Variants in PGBD2 observed in about 807,000 individuals in gnomAD.
PGBD2 encodes the protein piggyBac transposable element-derived protein 2.
PGBD2 carries 6 observed loss-of-function variants against 8.1 expected under a neutral mutation model. That is an observed-to-expected ratio of 0.74 (90% confidence interval 0.40 to 1.46). The LOEUF is 1.46. Ranked by LOEUF, PGBD2 falls within the 40% of genes most tolerant of loss-of-function variation. The pLI is 0.02. For missense variants in PGBD2, 802 were observed against 739.0 expected (o/e 1.09, Z -0.99); for synonymous variants, 318 against 272.2 (o/e 1.17, Z -1.66).
the PGBD2 span, among the ~76,000 whole-genome samples, chr1:248,900,091 G>A: frequency 8.4e-5 from 8 of 95,134 alleles, no homozygotes; most frequent in East Asian, 2.4e-3. Flanking sequence ...GTAATAAATA[G>A]CCTACCAAAA....
the PGBD2 span, among the ~76,000 whole-genome samples, chr1:248,873,955 C>A: frequency 3.9e-5 from 6 of 152,194 alleles, no homozygotes. Flanking sequence ...AATCCCACTT[C>A]TGACACATTC....
chr1:248,925,147 C>G, the PGBD2 span, among the ~76,000 whole-genome samples: 2 of 152,134 alleles, frequency 1.3e-5, no homozygotes, highest in African/African-American at 4.8e-5. Flanking sequence ...GGAGCACATT[C>G]ACACGTGTGT....
Position 248,909,926 on chromosome 1 carries a change from T to G in PGBD2, c.-48+3584T>G, listed in dbSNP as rs112793066. ...GGCTGTGAATGGCTTTGATTTTATT[T>G]CAGAGCTTGGTTGGCAAGTTCTTGG... On this transcript the variant is annotated intron_variant, in intron 1 of 2. Transcript: ENST00000329291. Among the ~76,000 whole-genome samples the G allele has an allele frequency of 8.3e-3, 1,263 of 152,340 alleles. 8 individuals are homozygous for G. Among genetic ancestry groups the G allele is most frequent in the Non-Finnish European group, 0.011 (740 of 68,030 alleles).
chr1:248,893,140 A>G, the PGBD2 span, among the ~76,000 whole-genome samples: 9 of 152,226 alleles, frequency 5.9e-5, no homozygotes, highest in African/African-American at 2.2e-4. Flanking sequence ...ACATAGGTGC[A>G]TACTCATGTT....
At chr1:248,922,502 G>T (rs1662307568), downstream of PGBD2, among the ~76,000 whole-genome samples, 1 of 152,146 alleles carries the variant, frequency 6.6e-6, no homozygotes. Context: ...TGTTGAATAG[G>T]AGTGGCAAGA....
downstream of PGBD2, among the ~76,000 whole-genome samples, chr1:248,924,293 C>T (rs1485440195): frequency 6.6e-6 from 1 of 152,218 alleles, no homozygotes; most frequent in Non-Finnish European, 1.5e-5. Context: ...TGCTGGCTTC[C>T]AGCACGTGGC....
At chr1:248,883,521 A>G in the PGBD2 span, among the ~76,000 whole-genome samples, 1 of 143,114 alleles carries the variant, frequency 7.0e-6, no homozygotes, top group East Asian at 2.1e-4. Context: ...TTTCAGATGT[A>G]TAGTTTGTGA....
chr1:248,913,324 G>C (rs1661977327), intron 1 of PGBD2, among the ~76,000 whole-genome samples: 1 of 152,120 alleles, frequency 6.6e-6, no homozygotes, highest in African/African-American at 2.4e-5. Flanking sequence ...GGTATTTATA[G>C]TTATATAAGT....
chr1:248,902,839 A>G (rs1294575009), upstream of PGBD2, among the ~76,000 whole-genome samples: 4 of 152,076 alleles, frequency 2.6e-5, no homozygotes, highest in Non-Finnish European at 1.5e-5. Context: ...GTGGCGGGGA[A>G]CAACACAGTG....
upstream of PGBD2, among the ~76,000 whole-genome samples, chr1:248,904,255 A>G (rs1213097388): frequency 1.3e-5 from 2 of 151,974 alleles, no homozygotes; most frequent in African/African-American, 4.8e-5. Flanking sequence ...TTTTCCTCAA[A>G]GGATTCTAGC....
At chr1:248,907,233 G>A (rs951229239) in intron 1 of PGBD2, among the ~76,000 whole-genome samples, 5 of 152,226 alleles carry the variant, frequency 3.3e-5, no homozygotes, top group Admixed American at 6.5e-5. Flanking sequence ...TGTGCACGTA[G>A]GCCACATTTA....
At chr1:248,904,343 G>A (rs1370123825), upstream of PGBD2, among the ~76,000 whole-genome samples, 1 of 150,458 alleles carries the variant, frequency 6.6e-6, no homozygotes, top group Non-Finnish European at 1.5e-5. Flanking sequence ...ATTTGACATT[G>A]TTTTCAAAGA....
chr1:248,883,721 C>G, the PGBD2 span, among the ~76,000 whole-genome samples: 1 of 151,452 alleles, frequency 6.6e-6, no homozygotes, highest in Non-Finnish European at 1.5e-5. Context: ...CTCAGCCTTC[C>G]AAGTAGTTGG....
At chr1:248,902,227 C>A (rs571750981), upstream of PGBD2, among the ~76,000 whole-genome samples, 1 of 151,376 alleles carries the variant, frequency 6.6e-6, no homozygotes, top group East Asian at 1.9e-4. Context: ...TGAGATCGTA[C>A]CACTGCACTC....
At chr1:248,928,643 A>C in the PGBD2 span, among the ~76,000 whole-genome samples, 1 of 152,222 alleles carries the variant, frequency 6.6e-6, no homozygotes, top group African/African-American at 2.4e-5. Context: ...TTCCAGGAAC[A>C]GTAAGAGGAC....
intron 1 of PGBD2, among the ~76,000 whole-genome samples, chr1:248,908,787 C>T (rs1661756744): frequency 6.6e-6 from 1 of 151,988 alleles, no homozygotes; most frequent in African/African-American, 2.4e-5. Flanking sequence ...TACCCTGTCC[C>T]GCAGATTCCT....
chr1:248,928,136 T>C, the PGBD2 span, among the ~76,000 whole-genome samples: 1 of 152,304 alleles, frequency 6.6e-6, no homozygotes, highest in East Asian at 1.9e-4. Context: ...CCAGCAGCCT[T>C]TGTCACTTCA....
chr1:248,915,600 T>C (rs1306079316), intron 2 of PGBD2, among the ~76,000 whole-genome samples: 1 of 152,216 alleles, frequency 6.6e-6, no homozygotes, highest in Non-Finnish European at 1.5e-5. Flanking sequence ...TTTATTGGGA[T>C]GTAACCTGAT....
the PGBD2 span, among the ~76,000 whole-genome samples, chr1:248,877,640 T>C: frequency 1.3e-5 from 2 of 152,186 alleles, no homozygotes; most frequent in African/African-American, 2.4e-5. Flanking sequence ...GGGAGAATGA[T>C]TGGATCAGAT....
Sources: allele counts gnomAD v4.1 joint callset (sites outside exome capture counted in the v4.1 genomes callset), GRCh38; gene constraint gnomAD v4.1.1; transcripts MANE v1.5; gene names NCBI Gene and HGNC (gene_info 2026-07-23, HGNC 2026-07-21).